KCNQ1: variants seen among roughly 807,000 people sequenced by gnomAD.
The protein encoded by KCNQ1 is potassium voltage-gated channel subfamily Q member 1.
A neutral mutation model predicts 72.4 loss-of-function variants in KCNQ1; 49 were observed. The ratio of observed to expected loss-of-function variants is 0.68; its 90% CI spans 0.54 to 0.86. The LOEUF (loss-of-function observed/expected upper bound fraction) is 0.86. Ranked by LOEUF, KCNQ1 falls within the 40% of genes least tolerant of loss-of-function variation. The probability of loss-of-function intolerance (pLI) is 0.00; values close to 1 mark genes in which losing one functional copy is unlikely to be tolerated. For missense variants in KCNQ1, 790 were observed against 945.1 expected (o/e 0.84, Z 2.15); for synonymous variants, 450 against 412.6 (o/e 1.09, Z -1.10).
intron 10 of KCNQ1, chr11:2,625,737 T>A: frequency 2.5e-6 from 1 of 397,040 alleles, no homozygotes. Flanking sequence ...GCCTGGCTAA[T>A]TTTTTGTATT....
At chr11:2,733,830 TCTC>T in intron 11 of KCNQ1, among the ~76,000 whole-genome samples, 1 of 30,790 alleles carries the variant, frequency 3.2e-5, no homozygotes, top group Non-Finnish European at 6.8e-5. Context: ...TCACTCTCTC[TCTC>T]TCTCTCTCTC....
rs946330322 is a variant in KCNQ1, at chr11:2,653,170, C to T, written c.1394-8791C>T. 2.0e-5 allele frequency: 8 copies of T among 398,616 alleles called. No homozygotes were observed. The highest frequency in any genetic ancestry group is 1.4e-4 in the African/African-American group (7 of 48,654). The allele number at this position is 398,616 out of a possible 1,614,324, so 24.7% of individuals were successfully genotyped here. On this transcript the variant is annotated intron_variant, in intron 10 of 15. Coordinates refer to ENST00000155840, the MANE Select transcript of KCNQ1 (RefSeq NM_000218.3). The surrounding 1 kb of genome is among the most constrained non-coding windows in gnomAD (Gnocchi z 5.3). The stretch of plus-strand genomic sequence containing the variant: ...AAGCCAATGTCCCACCTTAGGAAAT[C>T]CCTTTCCAAGAGTTCCCTGTGCTGT...
Position 2,750,505 on chromosome 11 carries a change from G to A in KCNQ1, c.1515-18339G>A, listed in dbSNP as rs894801431. ...GTGGAATCCACCGGTTTCACCCCAC[G>A]TCTTTTCCTCTCCTGCCTGGTAACC... On this transcript the variant is annotated intron_variant, in intron 11 of 15. Coordinates refer to ENST00000155840, the MANE Select transcript of KCNQ1 (RefSeq NM_000218.3). The surrounding 1 kb of genome is among the most constrained non-coding windows in gnomAD (Gnocchi z 6.3). Among the ~76,000 whole-genome samples the A allele has an allele frequency of 5.3e-5, 8 of 152,172 alleles. No individual in the cohort carries two copies. The highest frequency in any genetic ancestry group is 2.0e-4 in the Admixed American group (3 of 15,278).
At chr11:2,644,193 T>G (rs1288497548) in intron 10 of KCNQ1, 1 of 398,568 alleles carries the variant, frequency 2.5e-6, no homozygotes, top group East Asian at 3.6e-5. Context: ...TTATAATCTT[T>G]TGGTTTGCTC....
intron 10 of KCNQ1, chr11:2,619,679 T>G (rs1479826896): frequency 2.5e-6 from 1 of 398,262 alleles, no homozygotes; most frequent in African/African-American, 2.1e-5. Flanking sequence ...GCTGGCCTCA[T>G]AAAATGTGTT....
chr11:2,612,560 T>C lies in KCNQ1; in HGVS notation c.1393+23706T>C. 1 of 398,638 alleles carries C rather than the reference T, an allele frequency of 2.5e-6. No homozygotes were observed. Among genetic ancestry groups the C allele is most frequent in the Non-Finnish European group, 4.4e-6 (1 of 226,064 alleles). The allele number at this position is 398,638 out of a possible 1,614,324, so 24.7% of individuals were successfully genotyped here. On this transcript the variant is annotated intron_variant, in intron 10 of 15. Coordinates refer to ENST00000155840, the MANE Select transcript of KCNQ1 (RefSeq NM_000218.3). The surrounding 1 kb of genome is among the most constrained non-coding windows in gnomAD (Gnocchi z 5.5). The stretch of plus-strand genomic sequence containing the variant: ...AGTGAGTTTTTCACCTAAGTTATTA[T>C]ATTTCACAACTACAGAATTTCTATT...
At chr11:2,836,071 C>T (rs988177779) in intron 15 of KCNQ1, among the ~76,000 whole-genome samples, 10 of 144,010 alleles carry the variant, frequency 6.9e-5, no homozygotes, top group Admixed American at 5.5e-4. Flanking sequence ...TGCCCCGTGG[C>T]GTGGCGGGGG....
At chr11:2,777,577 C>T in intron 14 of KCNQ1, 2 of 539,748 alleles carry the variant, frequency 3.7e-6, no homozygotes, top group South Asian at 6.0e-5. Flanking sequence ...CAGATGCAAA[C>T]AGCAGCCACG....
chr11:2,698,230 A>T lies in KCNQ1; in HGVS notation c.1514+36149A>T, dbSNP rs1407323720. The T allele has an allele frequency of 2.5e-6, 1 of 398,676 alleles. No homozygotes were observed. The highest frequency in any genetic ancestry group is 4.4e-5 in the Admixed American group (1 of 22,742). The allele number at this position is 398,676 out of a possible 1,614,324, so 24.7% of individuals were successfully genotyped here. A position where few individuals can be genotyped will look rare whatever the true frequency, so the allele number is the denominator to read the frequency against. ...ACTGGTAAATGCACATCAAATGTGG[A>T]TATTATCAGGAAAGTTTTTATACTT... On this transcript the variant is annotated intron_variant, in intron 11 of 15. Transcript: ENST00000155840. This position sits in a 1 kb window ranked among gnomAD's most constrained non-coding sequence, Gnocchi z 5.1.
rs1218056143 is a variant in KCNQ1 at position 2,601,701 on chromosome 11, C to T, written c.1393+12847C>T. ...ATCTTAGAAACGGGGTCTTTTGGCT[C>T]GGCATCATTCTCTGGATTCATTCCG... On this transcript the variant is annotated intron_variant, in intron 10 of 15. Transcript: ENST00000155840. This position sits in a 1 kb window ranked among gnomAD's most constrained non-coding sequence, Gnocchi z 5.2. 1.3e-5 allele frequency among the ~76,000 whole-genome samples: 2 copies of T among 152,090 alleles called. No homozygotes were observed. The highest frequency in any genetic ancestry group is 2.9e-5 in the Non-Finnish European group (2 of 68,032).
rs1051016360 is a variant in KCNQ1 at position 2,826,015 on chromosome 11, G to C, written c.1795-21752G>C. Among the ~76,000 whole-genome samples the C allele has an allele frequency of 3.9e-5, 6 of 152,032 alleles. No homozygotes were observed. The highest frequency in any genetic ancestry group is 6.5e-5 in the Admixed American group (1 of 15,276). ...CTCTCCCCGAGGCCTCGTCCTCCCC[G>C]CCATCCTGGAAACGATTTTGTTGTC... On this transcript the variant is annotated intron_variant, in intron 15 of 15. Coordinates refer to ENST00000155840, the MANE Select transcript of KCNQ1 (RefSeq NM_000218.3). The surrounding 1 kb of genome is among the most constrained non-coding windows in gnomAD (Gnocchi z 4.2).
At chr11:2,692,993 C>T (rs1374951006) in intron 11 of KCNQ1, 1 of 398,502 alleles carries the variant, frequency 2.5e-6, no homozygotes, top group East Asian at 3.6e-5. Context: ...TTCCAGAAGC[C>T]TCATAAGCAA....
chr11:2,690,137 C>T lies in KCNQ1; in HGVS notation c.1514+28056C>T, dbSNP rs548032817. 1.3e-5 allele frequency: 5 copies of T among 398,814 alleles called. No homozygotes were observed. The highest frequency in any genetic ancestry group is 1.3e-4 in the South Asian group (1 of 7,864). 24.7% of individuals were successfully genotyped at this position (398,814 alleles called of 1,614,324 possible). On this transcript the variant is annotated intron_variant, in intron 11 of 15. Coordinates refer to ENST00000155840, the MANE Select transcript of KCNQ1 (RefSeq NM_000218.3). This position sits in a 1 kb window ranked among gnomAD's most constrained non-coding sequence, Gnocchi z 5.1. ...GAACTGGGGGAGCAGGGACAAAAAG[C>T]GGGCAGCCCTCCCCAGCATGACAGG...
Position 2,669,837 on chromosome 11 carries a change from A to G in KCNQ1, c.1514+7756A>G, listed in dbSNP as rs774134221. On this transcript the variant is annotated intron_variant, in intron 11 of 15. Coordinates refer to ENST00000155840, the MANE Select transcript of KCNQ1 (RefSeq NM_000218.3). The surrounding 1 kb of genome is among the most constrained non-coding windows in gnomAD (Gnocchi z 5.6). ...TGAGACTGCCAGGTCATGAGTTACCATGGGATACAAATGGGGTCACAACAT... is the reference window on the plus strand; with the variant it reads ...TGAGACTGCCAGGTCATGAGTTACCGTGGGATACAAATGGGGTCACAACAT... 5.5e-5 allele frequency: 22 copies of G among 398,490 alleles called. No individual in the cohort carries two copies. The highest frequency in any genetic ancestry group is 8.2e-5 in the African/African-American group (4 of 48,610). The allele number at this position is 398,490 out of a possible 1,614,324, so 24.7% of individuals were successfully genotyped here.
intron 6 of KCNQ1, among the ~76,000 whole-genome samples, chr11:2,582,277 T>TC (rs1490958527): frequency 6.6e-6 from 1 of 152,138 alleles, no homozygotes; most frequent in East Asian, 1.9e-4. Context: ...ATGGGGCTTC[T>TC]CCCCACCCTC....
intron 2 of KCNQ1, among the ~76,000 whole-genome samples, chr11:2,546,533 C>A (rs989828837): frequency 3.3e-5 from 5 of 152,164 alleles, no homozygotes; most frequent in African/African-American, 1.2e-4. Context: ...TCTATTAATT[C>A]ATTCTTGGGA....
chr11:2,689,191 A>G, intron 11 of KCNQ1: 1 of 398,760 alleles, frequency 2.5e-6, no homozygotes, highest in Non-Finnish European at 4.4e-6. Context: ...TTCTGTGCAA[A>G]CAGCTCAGCT....
intron 10 of KCNQ1, among the ~76,000 whole-genome samples, chr11:2,591,695 C>A (rs949513404): frequency 6.6e-6 from 1 of 152,258 alleles, no homozygotes; most frequent in Non-Finnish European, 1.5e-5. Context: ...TTAGTGCTGT[C>A]TGCGGAATGT....
Position 2,476,846 on chromosome 11 carries a change from CT to C in KCNQ1, c.386+31363del, listed in dbSNP as rs765282825. On this transcript the variant is annotated intron_variant, in intron 1 of 15. Coordinates refer to ENST00000155840, the MANE Select transcript of KCNQ1 (RefSeq NM_000218.3). Reference sequence around the variant, plus strand: ...GGTTTACGGGCATGTGCCACCACCCCTGGCTAACTTTTTGTATTTTTAGTAG... The same window carrying C: ...GGTTTACGGGCATGTGCCACCACCCCGGCTAACTTTTTGTATTTTTAGTAG... Among the ~76,000 whole-genome samples the C allele has an allele frequency of 5.3e-4, 81 of 152,290 alleles. 3 individuals are homozygous for C. Among genetic ancestry groups the C allele is most frequent in the Non-Finnish European group, 8.7e-4 (59 of 68,036 alleles).
Sources: gnomAD v4.1 joint callset for allele counts (sites outside exome capture counted in the v4.1 genomes callset) on GRCh38, gnomAD v4.1.1 for gene constraint, Gnocchi (gnomAD v3.1) non-coding constraint, MANE v1.5 for transcripts, NCBI Gene and HGNC (gene_info 2026-07-23, HGNC 2026-07-21) for gene names.